Variants in PCDHGA9 observed in about 807,000 individuals in gnomAD.
PCDHGA9 encodes protocadherin gamma subfamily A, 9.
PCDHGA9 carries 37 observed loss-of-function variants against 62.5 expected under a neutral mutation model. That is an observed-to-expected ratio of 0.59 (90% CI 0.46 to 0.78). The LOEUF is 0.78. Ranked by LOEUF, PCDHGA9 falls within the 30% of genes least tolerant of loss-of-function variation. PCDHGA9 has a pLI of 0.00. For missense variants in PCDHGA9, 1,138 were observed against 1,166.2 expected (o/e 0.98, Z 0.35); for synonymous variants, 459 against 484.6 (o/e 0.95, Z 0.69).
chr5:141,413,711 A>G (rs752076648), intron 1 of PCDHGA9: 199 of 1,613,564 alleles, frequency 1.2e-4, no homozygotes, highest in Non-Finnish European at 1.4e-4. Context: ...CTCAGCCCCA[A>G]TAAGCACTTC....
At chr5:141,447,829 T>A (rs2098552664) in intron 1 of PCDHGA9, among the ~76,000 whole-genome samples, 1 of 152,214 alleles carries the variant, frequency 6.6e-6, no homozygotes. Context: ...CTCACGCCTG[T>A]AATCCCAGTG....
rs532216579 is a variant in PCDHGA9, at chr5:141,419,369, T to G, written c.2424+13993T>G. 631 of 1,613,750 alleles carry G rather than the reference T, an allele frequency of 3.9e-4. 5 individuals carry two copies. In the East Asian group the frequency reaches 0.013, roughly 33 times the overall value. On this transcript the variant is annotated intron_variant, in intron 1 of 3. Coordinates refer to ENST00000573521, the MANE Select transcript of PCDHGA9 (RefSeq NM_018921.3). ...CCTGGAGTCACGAACGCTGTCGTCC[T>G]ACGTGTCCGTGAGCGCGCAGAGCGG...
intron 3 of PCDHGA9, among the ~76,000 whole-genome samples, chr5:141,510,214 A>G (rs1047332886): frequency 6.6e-6 from 1 of 151,406 alleles, no homozygotes; most frequent in Non-Finnish European, 1.5e-5. Context: ...CAGAGGTTGC[A>G]GTGAGCCGGG....
chr5:141,499,401 C>A lies in PCDHGA9; in HGVS notation c.2483+4536C>A, dbSNP rs115575614. ...TTCCACTTATAAAATAGTACATGCTCATTATAGAAACATGAAAAATAGAAA... is the reference window on the plus strand; with the variant it reads ...TTCCACTTATAAAATAGTACATGCTAATTATAGAAACATGAAAAATAGAAA... On this transcript the variant is annotated intron_variant, in intron 2 of 3. Coordinates refer to ENST00000573521, the MANE Select transcript of PCDHGA9 (RefSeq NM_018921.3). Among the ~76,000 whole-genome samples, 871 of 152,186 alleles carry A rather than the reference C, an allele frequency of 5.7e-3. 5 individuals are homozygous for A. Among genetic ancestry groups the A allele is most frequent in the African/African-American group, 0.02 (847 of 41,502 alleles).
chr5:141,492,106 C>T (rs1265796740), intron 1 of PCDHGA9, among the ~76,000 whole-genome samples: 2 of 152,238 alleles, frequency 1.3e-5, no homozygotes, highest in South Asian at 2.1e-4. Flanking sequence ...TGTAGATTTC[C>T]TCTTCGATTT....
intron 1 of PCDHGA9, chr5:141,417,615 A>G (rs908930043): frequency 3.2e-6 from 2 of 629,140 alleles, no homozygotes; most frequent in Non-Finnish European, 5.1e-6. Flanking sequence ...CGGCCAGTGC[A>G]GAGCAAGCGC....
intron 1 of PCDHGA9, chr5:141,409,464 C>G (rs1185218827): frequency 1.9e-6 from 3 of 1,613,940 alleles, no homozygotes; most frequent in Non-Finnish European, 1.7e-6. Context: ...TACAATGTCA[C>G]CATCGTAGCC....
intron 1 of PCDHGA9, chr5:141,433,123 C>G (rs575738328): frequency 3.7e-6 from 6 of 1,614,116 alleles, no homozygotes; most frequent in Non-Finnish European, 5.1e-6. Context: ...TTGAAAAAAG[C>G]GAGCCCCTTT....
chr5:141,465,430 C>T (rs1212434943), intron 1 of PCDHGA9, among the ~76,000 whole-genome samples: 2 of 152,150 alleles, frequency 1.3e-5, no homozygotes, highest in Non-Finnish European at 2.9e-5. Context: ...AAGGTGGGCA[C>T]TTAATGATTA....
At chr5:141,507,442 C>T (rs748782097) in intron 3 of PCDHGA9, among the ~76,000 whole-genome samples, 1 of 152,162 alleles carries the variant, frequency 6.6e-6, no homozygotes, top group African/African-American at 2.4e-5. Flanking sequence ...CTACAGCTGA[C>T]GGAAGGACAG....
intron 1 of PCDHGA9, among the ~76,000 whole-genome samples, chr5:141,452,284 C>G (rs1182155879): frequency 6.6e-6 from 1 of 152,112 alleles, no homozygotes; most frequent in Non-Finnish European, 1.5e-5. Context: ...TTCTTACTTT[C>G]TGATATAAGA....
At chr5:141,458,891 G>A (rs775720263) in intron 1 of PCDHGA9, among the ~76,000 whole-genome samples, 10 of 151,976 alleles carry the variant, frequency 6.6e-5, no homozygotes, top group South Asian at 2.1e-4. Context: ...CACACCATGC[G>A]CAGCTAATTT....
intron 1 of PCDHGA9, chr5:141,430,959 T>A: frequency 6.2e-7 from 1 of 1,612,026 alleles, no homozygotes; most frequent in Non-Finnish European, 8.5e-7. Flanking sequence ...GTCCGCATCA[T>A]CCCCAGAGGT....
At chr5:141,468,194 G>A (rs959390749) in intron 1 of PCDHGA9, among the ~76,000 whole-genome samples, 21 of 151,716 alleles carry the variant, frequency 1.4e-4, no homozygotes, top group South Asian at 2.1e-4. Flanking sequence ...GCATGGTGGC[G>A]GGTGCCTGTA....
At position 141,431,871 on chromosome 5, in the gene PCDHGA9, T is replaced by C; in HGVS notation, c.2424+26495T>C. The C allele has an allele frequency of 1.9e-6, 3 of 1,614,234 alleles. No homozygotes were observed. The highest frequency in any genetic ancestry group is 2.5e-6 in the Non-Finnish European group (3 of 1,180,032). The stretch of plus-strand genomic sequence containing the variant: ...GGGACATTAATTGCCCTTTTAAATG[T>C]AAATGACCAAGATTCTGAGGAAAAC... On this transcript the variant is annotated intron_variant, in intron 1 of 3. Coordinates refer to ENST00000573521, the MANE Select transcript of PCDHGA9 (RefSeq NM_018921.3). The surrounding 1 kb of genome is among the most constrained non-coding windows in gnomAD (Gnocchi z 4.8).
intron 1 of PCDHGA9, among the ~76,000 whole-genome samples, chr5:141,438,454 T>C (rs2097961593): frequency 6.6e-6 from 1 of 151,734 alleles, no homozygotes; most frequent in Admixed American, 6.6e-5. Flanking sequence ...AATACAATGC[T>C]TGAGTTCAAT....
At position 141,511,542 on chromosome 5, in the gene PCDHGA9, A is replaced by C; in HGVS notation, c.*369A>C. The stretch of plus-strand genomic sequence containing the variant: ...CCCATGCCTCCCTCCTCCCCACCCC[A>C]CTCCAACAGTTCCTCTTTCCCGAGT... On this transcript the variant is annotated 3_prime_UTR_variant, in exon 4 of 4. Coordinates refer to ENST00000573521, the MANE Select transcript of PCDHGA9 (RefSeq NM_018921.3). 6.6e-6 allele frequency: 2 copies of C among 302,184 alleles called. No homozygotes were observed. The highest frequency in any genetic ancestry group is 3.7e-5 in the South Asian group (1 of 26,678). The allele number at this position is 302,184 out of a possible 1,614,324, so 18.7% of individuals were successfully genotyped here. A position where few individuals can be genotyped will look rare whatever the true frequency, so the allele number is the denominator to read the frequency against.
chr5:141,438,591 C>CATAT (rs946798767), intron 1 of PCDHGA9, among the ~76,000 whole-genome samples: 211 of 75,392 alleles, frequency 2.8e-3, no homozygotes, highest in Non-Finnish European at 4.1e-3. Context: ...TACATACATA[C>CATAT]ATATATATAT....
intron 1 of PCDHGA9, among the ~76,000 whole-genome samples, chr5:141,437,415 G>A: frequency 6.6e-6 from 1 of 152,162 alleles, no homozygotes; most frequent in Non-Finnish European, 1.5e-5. Context: ...GAAGTATTAT[G>A]CTTTTTGAAG....
Sources: allele counts gnomAD v4.1 joint callset (sites outside exome capture counted in the v4.1 genomes callset), GRCh38; gene constraint gnomAD v4.1.1; non-coding constraint Gnocchi (gnomAD v3.1); transcripts MANE v1.5; gene names NCBI Gene and HGNC (gene_info 2026-07-23, HGNC 2026-07-21).